The following FYB1 variants were observed in gnomAD, a reference collection of about 807,000 sequenced individuals.
FYB1 encodes the protein FYN binding protein 1.
In FYB1, 41 loss-of-function variants were observed where a neutral mutation model predicts 94.1. The observed-to-expected ratio is 0.44, with a 90% CI of 0.34 to 0.57. The LOEUF (loss-of-function observed/expected upper bound fraction) is 0.57, where lower values mean the gene tolerates loss of function less well. FYB1 is among the 20% of genes least tolerant of loss of function. FYB1 has a pLI of 0.02. For missense variants in FYB1, 1,050 were observed against 976.8 expected (o/e 1.07, Z -1.00); for synonymous variants, 367 against 353.2 (o/e 1.04, Z -0.44).
chr5:39,227,152 G>A lies in FYB1; in HGVS notation c.-27-24165C>T, dbSNP rs116346949. On this transcript the variant is annotated intron_variant, in intron 1 of 1. Coordinates refer to the FYB1 transcript ENST00000510188. ...ATACGTTCATATAAATCCATTAAAA[G>A]TAGTTTGGAAAAGCATAAAATGATG... 3.9e-5 allele frequency among the ~76,000 whole-genome samples: 6 copies of A among 152,102 alleles called. No individual in the cohort carries two copies. In the South Asian group the frequency reaches 1.0e-3, roughly 26 times the overall value.
chr5:39,257,942 G>C (rs1348788366), intron 1 of FYB1, among the ~76,000 whole-genome samples: 2 of 152,188 alleles, frequency 1.3e-5, no homozygotes, highest in African/African-American at 4.8e-5. Context: ...CTGATCCAAA[G>C]CGTCTTTAGC....
chr5:39,227,310 A>G (rs1227808212), intron 1 of FYB1, among the ~76,000 whole-genome samples: 1 of 152,228 alleles, frequency 6.6e-6, no homozygotes, highest in Non-Finnish European at 1.5e-5. Flanking sequence ...AGAAATTTCA[A>G]TATGGGCAAT....
intron 1 of FYB1, among the ~76,000 whole-genome samples, chr5:39,252,259 T>C (rs1751750328): frequency 6.6e-6 from 1 of 151,266 alleles, no homozygotes; most frequent in African/African-American, 2.4e-5. Context: ...AAACAGGGCA[T>C]GTGTTGCAAT....
chr5:39,124,915 C>CCACA (rs56887056), intron 12 of FYB1, among the ~76,000 whole-genome samples: 18,110 of 139,384 alleles, frequency 0.13, 1,192 homozygotes, highest in East Asian at 0.23. Flanking sequence ...TAAATACACT[C>CCACA]CACACACACA....
intron 2 of FYB1, among the ~76,000 whole-genome samples, chr5:39,158,593 C>A (rs1743966481): frequency 6.6e-6 from 1 of 152,156 alleles, no homozygotes; most frequent in Admixed American, 6.5e-5. Context: ...TTATGTATTT[C>A]TGTTGGTCAA....
intron 1 of FYB1, among the ~76,000 whole-genome samples, chr5:39,231,940 A>G (rs909248923): frequency 2.0e-5 from 3 of 152,188 alleles, no homozygotes; most frequent in African/African-American, 2.4e-5. Flanking sequence ...ACATTTTTAC[A>G]TAGTGAAGAG....
rs144372985 is a variant in FYB1, at chr5:39,126,887, C to T, written c.1908-752G>A. Among the ~76,000 whole-genome samples the T allele has an allele frequency of 8.6e-4, 130 of 150,700 alleles. 1 individual carries two copies. In the East Asian group the frequency reaches 0.023, roughly 27 times the overall value. On this transcript the variant is annotated intron_variant, in intron 11 of 18. Coordinates refer to ENST00000512982, the MANE Select transcript of FYB1 (RefSeq NM_001465.6). ...CAGCCTGACCAACATGGAGAAAACC[C>T]GTCTCTACTAAAAATATGAAATAAC...
chr5:39,169,758 A>G (rs543815677), intron 2 of FYB1: 10 of 485,546 alleles, frequency 2.1e-5, no homozygotes, highest in Non-Finnish European at 3.6e-5. Flanking sequence ...AGGTGTTGGG[A>G]TGTGCTCAGT....
chr5:39,131,731 C>A (rs963571336), intron 9 of FYB1, among the ~76,000 whole-genome samples: 4 of 152,118 alleles, frequency 2.6e-5, no homozygotes, highest in African/African-American at 9.7e-5. Flanking sequence ...ATGAAGCAGG[C>A]AGTTGGAATT....
chr5:39,183,502 G>C (rs966750776), intron 2 of FYB1, among the ~76,000 whole-genome samples: 5 of 152,152 alleles, frequency 3.3e-5, no homozygotes, highest in African/African-American at 9.7e-5. Flanking sequence ...CTACACAAGT[G>C]AACTGCCAAA....
chr5:39,208,114 C>T (rs1039575332), intron 1 of FYB1, among the ~76,000 whole-genome samples: 1 of 152,120 alleles, frequency 6.6e-6, no homozygotes, highest in African/African-American at 2.4e-5. Context: ...TTTAAAGTTG[C>T]CCACCTTTGA....
chr5:39,119,221 A>G (rs566079561), intron 15 of FYB1, among the ~76,000 whole-genome samples, 185 bp from the exon 16 acceptor site: 15 of 152,252 alleles, frequency 9.9e-5, no homozygotes, highest in African/African-American at 3.6e-4. Flanking sequence ...CCAACCTAAT[A>G]TAATAATTAT....
At position 39,205,086 on chromosome 5, in the gene FYB1, G is replaced by A. The variant is rs115102428; in HGVS notation, c.-27-2099C>T. On this transcript the variant is annotated intron_variant, in intron 1 of 18. Transcript: ENST00000512982. ...ATCAGAGTTGCAGAGGACCCCAAACGTCACTACAAGGGGCATAATTATGGC... is the reference window on the plus strand; with the variant it reads ...ATCAGAGTTGCAGAGGACCCCAAACATCACTACAAGGGGCATAATTATGGC... Among the ~76,000 whole-genome samples the A allele has an allele frequency of 6.9e-3, 1,057 of 152,134 alleles. 10 individuals are homozygous for A. Among genetic ancestry groups the A allele is most frequent in the African/African-American group, 0.025 (1,020 of 41,478 alleles).
chr5:39,134,929 C>G lies in FYB1; in HGVS notation c.1601G>C (p.Gly534Ala), dbSNP rs754496366. Residue 534 changes from glycine (G) to alanine (A), a missense_variant, in exon 8 of 19, where the codon GGA becomes GCA. By Grantham distance (60) the Gly-to-Ala change is moderately conservative (BLOSUM62 0). Coordinates refer to ENST00000512982, the MANE Select transcript of FYB1 (RefSeq NM_001465.6). ...GATGCGGATGATTTCAATTTGCTCT[C>G]CTTGCTTGAAGCTCAGTTCATTCTT... ...GGKNELSFKQ[G>A]EQIEIIRITD... The G allele has an allele frequency of 1.2e-6, 2 of 1,613,944 alleles. No homozygotes were observed. The highest frequency in any genetic ancestry group is 2.2e-5 in the South Asian group (2 of 91,078).
At chr5:39,246,133 T>C (rs1751469049) in intron 1 of FYB1, among the ~76,000 whole-genome samples, 1 of 152,130 alleles carries the variant, frequency 6.6e-6, no homozygotes, top group African/African-American at 2.4e-5. Context: ...TACCTCTGTT[T>C]GGGGTGGACC....
At chr5:39,236,573 ACAGT>A (rs1750975729) in intron 1 of FYB1, among the ~76,000 whole-genome samples, 1 of 152,142 alleles carries the variant, frequency 6.6e-6, no homozygotes, top group Non-Finnish European at 1.5e-5. Flanking sequence ...TACAGATTTT[ACAGT>A]CAAAGGTTCT....
At chr5:39,111,170 T>G (rs1320499527) in intron 16 of FYB1, among the ~76,000 whole-genome samples, 1 of 152,012 alleles carries the variant, frequency 6.6e-6, no homozygotes, top group East Asian at 1.9e-4. Context: ...ATAGGAACTA[T>G]TTTTCTTAAG....
chr5:39,266,229 C>T (rs1752433290), intron 1 of FYB1, among the ~76,000 whole-genome samples: 1 of 152,130 alleles, frequency 6.6e-6, no homozygotes, highest in South Asian at 2.1e-4. Context: ...TGCCTCTTCT[C>T]CCACTTCTAA....
At chr5:39,187,683 A>C (rs1482950834) in intron 2 of FYB1, among the ~76,000 whole-genome samples, 1 of 152,226 alleles carries the variant, frequency 6.6e-6, no homozygotes, top group African/African-American at 2.4e-5. Context: ...AAGTGTGGTC[A>C]TCTTGGGCAG....
Sources: gnomAD v4.1 joint callset for allele counts (sites outside exome capture counted in the v4.1 genomes callset) on GRCh38, gnomAD v4.1.1 for gene constraint, MANE v1.5 for transcripts, NCBI Gene and HGNC (gene_info 2026-07-23, HGNC 2026-07-21) for gene names.